The following RARB variants were observed in gnomAD, a reference collection of about 807,000 sequenced individuals.
RARB encodes the protein HBV-activated protein.
RARB carries 17 observed loss-of-function variants against 51.9 expected under a neutral mutation model. That is an observed-to-expected ratio of 0.33 (90% CI 0.22 to 0.49). The LOEUF (loss-of-function observed/expected upper bound fraction) is 0.49. Among genes scored for constraint, RARB ranks in the 20% least tolerant of loss-of-function variants. The pLI, the probability that RARB is intolerant of heterozygous loss-of-function variation, is 0.99. For missense variants in RARB, 369 were observed against 550.8 expected, an observed-to-expected ratio of 0.67 and a Z score of 3.30; for synonymous variants, 215 against 195.4, an observed-to-expected ratio of 1.10 and a Z score of -0.84.
chr3:25,407,189 A>G (rs1707433304), intron 5 of RARB, among the ~76,000 whole-genome samples: 1 of 152,180 alleles, frequency 6.6e-6, no homozygotes, highest in South Asian at 2.1e-4. Context: ...CCAGTATTTG[A>G]TATGTTCCTC....
intron 2 of RARB, among the ~76,000 whole-genome samples, chr3:24,961,832 G>A: frequency 6.7e-6 from 1 of 149,584 alleles, no homozygotes; most frequent in East Asian, 2.0e-4. Context: ...TGTACATAAT[G>A]TCTATAAAAA....
chr3:25,489,274 A>G (rs1178783138), intron 2 of RARB, among the ~76,000 whole-genome samples: 2 of 152,226 alleles, frequency 1.3e-5, no homozygotes, highest in African/African-American at 2.4e-5. Flanking sequence ...AAGGATCAAG[A>G]AAGAGGAGCC....
intron 5 of RARB, among the ~76,000 whole-genome samples, chr3:25,400,316 A>T (rs1707230310): frequency 6.6e-6 from 1 of 152,204 alleles, no homozygotes; most frequent in South Asian, 2.1e-4. Flanking sequence ...TTATTATTAT[A>T]TGTATAGATT....
intron 2 of RARB, among the ~76,000 whole-genome samples, chr3:24,907,541 C>T (rs954415902): frequency 1.3e-5 from 2 of 152,018 alleles, no homozygotes; most frequent in African/African-American, 2.4e-5. Context: ...CAAAGCATCC[C>T]GTGGATTTAG....
In RARB at chr3:24,975,058, T is replaced by C. The variant is rs552353335; in HGVS notation, c.-379-85067T>C. On this transcript the variant is annotated intron_variant, in intron 2 of 11. Transcript: ENST00000383772. ...AATTTTAAATTGCATTTAATTTTAA[T>C]TGAGTTGAAATGAGTTCCTGAAATA... Among the ~76,000 whole-genome samples the C allele has an allele frequency of 1.1e-4, 17 of 152,292 alleles. No homozygotes were observed. In the South Asian group the frequency reaches 1.2e-3, roughly 11 times the overall value.
intron 2 of RARB, among the ~76,000 whole-genome samples, chr3:25,001,921 G>T (rs753849758): frequency 6.6e-6 from 1 of 152,026 alleles, no homozygotes; most frequent in Non-Finnish European, 1.5e-5. Context: ...AGGACCACAG[G>T]AACCCGCCAC....
intron 2 of RARB, among the ~76,000 whole-genome samples, chr3:24,916,735 C>T (rs532134498): frequency 7.9e-5 from 10 of 127,212 alleles, no homozygotes; most frequent in African/African-American, 2.2e-4. Context: ...TATTCTATGG[C>T]ATTGCAGTCT....
intron 4 of RARB, among the ~76,000 whole-genome samples, chr3:25,165,832 A>G (rs1700552094): frequency 6.6e-6 from 1 of 152,326 alleles, no homozygotes; most frequent in East Asian, 1.9e-4. Flanking sequence ...TATAGAAGTA[A>G]AATCTCAGTG....
At chr3:25,361,068 T>C (rs545387700) in intron 5 of RARB, among the ~76,000 whole-genome samples, 1 of 152,272 alleles carries the variant, frequency 6.6e-6, no homozygotes, top group Admixed American at 6.5e-5. Context: ...TATCCTGAAG[T>C]GTGTTTTCCA....
At chr3:25,387,798 GTTT>G (rs879501610) in intron 5 of RARB, among the ~76,000 whole-genome samples, 2,062 of 151,434 alleles carry the variant, frequency 0.014, 55 homozygotes, top group African/African-American at 0.047. Context: ...CAGCTTTTGT[GTTT>G]TATGTCAAAA....
At chr3:25,092,655 A>AT (rs889323050) in intron 3 of RARB, among the ~76,000 whole-genome samples, 3 of 151,974 alleles carry the variant, frequency 2.0e-5, no homozygotes, top group Admixed American at 2.0e-4. Flanking sequence ...AATGTGGGAG[A>AT]TTTTTTTAAT....
chr3:25,420,115 TATA>T (rs1707818366), intron 5 of RARB, among the ~76,000 whole-genome samples: 3 of 152,204 alleles, frequency 2.0e-5, no homozygotes, highest in African/African-American at 7.2e-5. Flanking sequence ...CGTGTGTGTG[TATA>T]ATGTGCTTTT....
At position 25,016,716 on chromosome 3, in the gene RARB, C is replaced by A. The variant is rs541865758; in HGVS notation, c.-379-43409C>A. ...AGAAATTCAATCATGGTCAATATAG[C>A]ATTTCTTTTTTCCCCCCAGGATATG... On this transcript the variant is annotated intron_variant, in intron 2 of 11. Coordinates refer to the RARB transcript ENST00000383772. Among the ~76,000 whole-genome samples, 24 of 152,146 alleles carry A rather than the reference C, an allele frequency of 1.6e-4. No homozygotes were observed. The East Asian group carries it at 2.7e-3, about 17-fold the overall frequency.
chr3:24,871,994 C>T (rs1173775783), intron 2 of RARB, among the ~76,000 whole-genome samples: 1 of 152,134 alleles, frequency 6.6e-6, no homozygotes, highest in African/African-American at 2.4e-5. Flanking sequence ...AAGGGGCCTG[C>T]TTTGTTCCCT....
At chr3:25,001,408 C>T (rs1220635814) in intron 2 of RARB, among the ~76,000 whole-genome samples, 3 of 152,096 alleles carry the variant, frequency 2.0e-5, no homozygotes. Context: ...TGATAAGTCC[C>T]AAGCCACTCA....
chr3:25,296,050 T>C (rs1703908117), intron 5 of RARB, among the ~76,000 whole-genome samples: 1 of 152,198 alleles, frequency 6.6e-6, no homozygotes. Context: ...AGGATCTAGT[T>C]GAATCAACTG....
intron 1 of RARB, among the ~76,000 whole-genome samples, chr3:24,839,808 A>G (rs1702396603): frequency 6.6e-6 from 1 of 151,882 alleles, no homozygotes; most frequent in African/African-American, 2.4e-5. Flanking sequence ...AGAACTAGGG[A>G]GAGAATATCC....
At chr3:25,198,456 A>G (rs975154211) in intron 5 of RARB, among the ~76,000 whole-genome samples, 4 of 152,144 alleles carry the variant, frequency 2.6e-5, no homozygotes, top group African/African-American at 7.2e-5. Flanking sequence ...TGCACAGAAG[A>G]GGAAACAATC....
chr3:24,969,381 T>C (rs2125416426), intron 2 of RARB, among the ~76,000 whole-genome samples: 1 of 152,234 alleles, frequency 6.6e-6, no homozygotes, highest in South Asian at 2.1e-4. Flanking sequence ...GCCACTGCTG[T>C]TGCTATTGTT....
Sources: allele counts gnomAD v4.1 joint callset (sites outside exome capture counted in the v4.1 genomes callset), GRCh38; gene constraint gnomAD v4.1.1; transcripts MANE v1.5; gene names NCBI Gene and HGNC (gene_info 2026-07-23, HGNC 2026-07-21).